ARMH3: variants seen among roughly 807,000 people sequenced by gnomAD.
ARMH3 encodes armadillo-like helical domain-containing protein 3.
Under a neutral mutation model 99.1 loss-of-function variants are expected in ARMH3, and 60 were observed. The observed-to-expected ratio is 0.61, with a 90% CI of 0.49 to 0.75. The LOEUF (loss-of-function observed/expected upper bound fraction) is 0.75, where lower values mean the gene tolerates loss of function less well. Ranked by LOEUF, ARMH3 falls within the 30% of genes least tolerant of loss-of-function variation. The probability of loss-of-function intolerance (pLI) is 0.00; values close to 1 mark genes in which losing one functional copy is unlikely to be tolerated. For missense variants in ARMH3, 679 were observed against 843.1 expected, an observed-to-expected ratio of 0.81 and a Z score of 2.41; for synonymous variants, 285 against 292.8, an observed-to-expected ratio of 0.97 and a Z score of 0.27.
At chr10:101,869,373 C>G (rs1310980217) in intron 24 of ARMH3, among the ~76,000 whole-genome samples, 1 of 152,160 alleles carries the variant, frequency 6.6e-6, no homozygotes, top group African/African-American at 2.4e-5. Flanking sequence ...CATAAAGCAA[C>G]TCTCAATAAA....
intron 2 of ARMH3, 128 bp from the exon 3 acceptor site, chr10:102,033,467 G>T: frequency 9.7e-7 from 1 of 1,025,682 alleles, no homozygotes; most frequent in Admixed American, 2.8e-5. Context: ...GCCCAGGCTG[G>T]AGTACAGTGG....
At chr10:102,007,385 CAA>C (rs940111761) in intron 13 of ARMH3, among the ~76,000 whole-genome samples, 2 of 148,084 alleles carry the variant, frequency 1.4e-5, no homozygotes, top group African/African-American at 5.0e-5. Flanking sequence ...GATTATTCTA[CAA>C]GAGAGCAGAG....
intron 23 of ARMH3, among the ~76,000 whole-genome samples, chr10:101,926,697 G>C (rs1590034754): frequency 6.6e-6 from 1 of 152,308 alleles, no homozygotes; most frequent in South Asian, 2.1e-4. Context: ...GTTATAACTA[G>C]TAGCCAGTAT....
intron 24 of ARMH3, among the ~76,000 whole-genome samples, chr10:101,882,659 C>A (rs2067446551): frequency 1.3e-5 from 2 of 152,106 alleles, no homozygotes; most frequent in Admixed American, 1.3e-4. Flanking sequence ...GCCACCATGC[C>A]CGGCTAATTT....
intron 15 of ARMH3, among the ~76,000 whole-genome samples, chr10:101,997,334 C>T (rs1248079702): frequency 6.6e-6 from 1 of 152,018 alleles, no homozygotes; most frequent in Non-Finnish European, 1.5e-5. Context: ...TGGCTCATGC[C>T]TGTAATCCCA....
chr10:101,849,861 G>A lies in ARMH3; in HGVS notation c.1892C>T (p.Thr631Met), dbSNP rs199549255. The change falls in exon 25 of 26, where the codon ACG becomes ATG. Residue 631 changes from threonine (T) to methionine (M), a missense_variant. Thr to Met is a moderately conservative substitution (Grantham distance 81). Transcript: ENST00000370033. ...GCCATCCTGCAGCTTCAGCGTGAGC[G>A]TGTCATAGTTGGCTCTCACCACCTC... ...VLEVVRANYD[T>M]LTLKLQDGLD... 7.4e-6 allele frequency: 12 copies of A among 1,613,960 alleles called. No homozygotes were observed. The highest frequency in any genetic ancestry group is 4.0e-5 in the African/African-American group (3 of 74,888).
intron 24 of ARMH3, among the ~76,000 whole-genome samples, chr10:101,850,489 A>G (rs1383538885): frequency 2.0e-5 from 3 of 149,742 alleles, no homozygotes; most frequent in Non-Finnish European, 3.0e-5. Context: ...CAGTGGTGCA[A>G]TCTCAGCTCA....
chr10:101,912,139 A>T (rs1421678577), intron 23 of ARMH3, among the ~76,000 whole-genome samples: 2 of 152,204 alleles, frequency 1.3e-5, no homozygotes, highest in African/African-American at 2.4e-5. Context: ...TCACGCCTAT[A>T]ATCCCAGCAC....
chr10:101,919,430 A>T (rs1038642377), intron 23 of ARMH3, among the ~76,000 whole-genome samples: 7 of 152,104 alleles, frequency 4.6e-5, no homozygotes, highest in African/African-American at 1.7e-4. Context: ...GACTAGATGA[A>T]CAGCCCTTTC....
chr10:101,987,686 C>A (rs1265489066), intron 19 of ARMH3, among the ~76,000 whole-genome samples: 1 of 152,170 alleles, frequency 6.6e-6, no homozygotes, highest in East Asian at 1.9e-4. Context: ...GGCTCTCGCT[C>A]CCCTTTTCTC....
chr10:101,956,203 G>C (rs1383435725), intron 22 of ARMH3, among the ~76,000 whole-genome samples: 2 of 152,034 alleles, frequency 1.3e-5, no homozygotes, highest in Non-Finnish European at 1.5e-5. Context: ...AAATACATAG[G>C]TACACTAAGA....
chr10:101,857,056 A>T (rs901425064), intron 24 of ARMH3, among the ~76,000 whole-genome samples: 6 of 151,862 alleles, frequency 4.0e-5, no homozygotes, highest in Non-Finnish European at 7.4e-5. Context: ...AGAAAAAAAA[A>T]AGAAGGACTG....
intron 2 of ARMH3, among the ~76,000 whole-genome samples, chr10:102,034,800 C>T (rs1349527158): frequency 2.7e-5 from 4 of 147,456 alleles, no homozygotes; most frequent in Non-Finnish European, 4.5e-5. Context: ...CCCAGCTACT[C>T]GGGAGGCTGA....
At chr10:101,851,075 G>A (rs1297360953) in intron 24 of ARMH3, among the ~76,000 whole-genome samples, 1 of 152,154 alleles carries the variant, frequency 6.6e-6, no homozygotes, top group East Asian at 1.9e-4. Context: ...TTGAACTTTA[G>A]GGCATCCCAG....
chr10:101,865,195 G>A (rs1440329061), intron 24 of ARMH3, among the ~76,000 whole-genome samples: 3 of 146,206 alleles, frequency 2.1e-5, no homozygotes, highest in Admixed American at 6.9e-5. Context: ...CAGCCTGGGC[G>A]ACAGTGTGAG....
rs138976659 is a variant in ARMH3, at chr10:101,951,841, G to A, written c.1705+4756C>T. On this transcript the variant is annotated intron_variant, in intron 22 of 25. Transcript: ENST00000370033. Reference sequence around the variant, plus strand: ...CAAGATTGTGCCACTGCACTCCAGTGTGGGCCACAGAGCGAGACTCCGTCT... The same window carrying A: ...CAAGATTGTGCCACTGCACTCCAGTATGGGCCACAGAGCGAGACTCCGTCT... Among the ~76,000 whole-genome samples the A allele has an allele frequency of 2.1e-3, 317 of 150,184 alleles. 4 individuals are homozygous for A. The highest frequency in any genetic ancestry group is 0.018 in the East Asian group (90 of 5,090).
rs771899987 is a variant in ARMH3, at chr10:102,051,474, G to GA, written c.-12+4610dup. Among the ~76,000 whole-genome samples, 507 of 129,454 alleles carry GA rather than the reference G, an allele frequency of 3.9e-3. 2 individuals carry two copies. The highest frequency in any genetic ancestry group is 8.5e-3 in the African/African-American group (300 of 35,228). 84.9% of individuals were successfully genotyped at this position (129,454 alleles called of 152,430 possible). A position where few individuals can be genotyped will look rare whatever the true frequency, so the allele number is the denominator to read the frequency against. ...GGCAACAGAGGGAGACTCCATTTCG[G>GA]AAAAAAAAAAAAAAGAAAAAGAAAA... On this transcript the variant is annotated intron_variant, in intron 1 of 25. Transcript: ENST00000370033.
intron 1 of ARMH3, among the ~76,000 whole-genome samples, chr10:102,041,090 A>ATAT (rs1554897209): frequency 6.0e-5 from 8 of 132,638 alleles, no homozygotes; most frequent in South Asian, 2.4e-4. Context: ...ATATATATAT[A>ATAT]ATATATATAT....
At chr10:101,892,702 C>T (rs139910348) in intron 23 of ARMH3, among the ~76,000 whole-genome samples, 2 of 152,168 alleles carry the variant, frequency 1.3e-5, no homozygotes, top group East Asian at 3.9e-4. Flanking sequence ...TGAAAGAGGG[C>T]TAAATCTTAG....
Sources: gnomAD v4.1 joint callset for allele counts (sites outside exome capture counted in the v4.1 genomes callset) on GRCh38, gnomAD v4.1.1 for gene constraint, MANE v1.5 for transcripts, NCBI Gene and HGNC (gene_info 2026-07-23, HGNC 2026-07-21) for gene names.